GRID1: variants seen among roughly 807,000 people sequenced by gnomAD.
GRID1 encodes the protein glutamate ionotropic receptor delta type subunit 1, also known as glutamate receptor ionotropic, delta-1.
In GRID1, 28 loss-of-function variants were observed where a neutral mutation model predicts 98.0. That is an observed-to-expected ratio of 0.29 (90% CI 0.21 to 0.39). The LOEUF (loss-of-function observed/expected upper bound fraction) is 0.39, where lower values mean the gene tolerates loss of function less well. Ranked by LOEUF, GRID1 falls within the 10% of genes least tolerant of loss-of-function variation. GRID1 has a pLI of 1.00. For synonymous variants in GRID1, 553 were observed against 538.5 expected (o/e 1.03, Z -0.37); for missense variants, 1,111 against 1,340.5 (o/e 0.83, Z 2.67).
At chr10:85,859,984 G>A (rs771110546) in intron 6 of GRID1, among the ~76,000 whole-genome samples, 1 of 152,202 alleles carries the variant, frequency 6.6e-6, no homozygotes, top group Non-Finnish European at 1.5e-5. Context: ...CAGGGAAGAT[G>A]GCTGGATATC....
intron 4 of GRID1, among the ~76,000 whole-genome samples, chr10:86,042,092 C>T (rs374841455): frequency 6.6e-6 from 1 of 152,202 alleles, no homozygotes; most frequent in Non-Finnish European, 1.5e-5. Flanking sequence ...AGACAGCCCT[C>T]GCCATGCAAG....
At chr10:85,691,237 CT>C (rs1189011775) in intron 12 of GRID1, among the ~76,000 whole-genome samples, 1 of 152,176 alleles carries the variant, frequency 6.6e-6, no homozygotes, top group Non-Finnish European at 1.5e-5. Context: ...CCCAGTATTC[CT>C]TAAACACTGA....
At chr10:85,644,327 T>G (rs1843160027) in intron 13 of GRID1, 1 of 152,296 alleles carries the variant, frequency 6.6e-6, no homozygotes, top group East Asian at 1.9e-4. Flanking sequence ...CAACTCTGAC[T>G]TACCAACAAT....
At chr10:86,126,305 A>C (rs1221445025) in intron 4 of GRID1, among the ~76,000 whole-genome samples, 1 of 152,032 alleles carries the variant, frequency 6.6e-6, no homozygotes, top group African/African-American at 2.4e-5. Flanking sequence ...AATACAAAAA[A>C]TTAGCCAGGC....
At chr10:85,948,925 T>C (rs1429940864) in intron 4 of GRID1, among the ~76,000 whole-genome samples, 1 of 152,234 alleles carries the variant, frequency 6.6e-6, no homozygotes, top group Non-Finnish European at 1.5e-5. Context: ...TTGATGTTTT[T>C]ATTATTAAGT....
intron 4 of GRID1, 73 bp downstream of exon 4, chr10:86,138,746 G>T: frequency 1.6e-6 from 2 of 1,244,032 alleles, no homozygotes; most frequent in Non-Finnish European, 2.3e-6. Context: ...ACTGTGCCCT[G>T]CAGCCCACCT....
chr10:86,254,111 A>G (rs2132050910), intron 2 of GRID1, among the ~76,000 whole-genome samples: 1 of 152,014 alleles, frequency 6.6e-6, no homozygotes, highest in South Asian at 2.1e-4. Context: ...CTCCTACACC[A>G]CCTATGTGCA....
At chr10:85,675,755 G>A (rs1036812135) in intron 12 of GRID1, among the ~76,000 whole-genome samples, 2 of 152,212 alleles carry the variant, frequency 1.3e-5, no homozygotes, top group Admixed American at 1.3e-4. Flanking sequence ...GCAGCCTGGT[G>A]TGACATTAAC....
intron 8 of GRID1, among the ~76,000 whole-genome samples, chr10:85,828,749 T>C (rs1842842008): frequency 6.6e-6 from 1 of 151,942 alleles, no homozygotes; most frequent in Admixed American, 6.6e-5. Flanking sequence ...CCTCCCAAAA[T>C]TGAACCAGGA....
At chr10:85,816,762 G>C (rs1403879988) in intron 8 of GRID1, among the ~76,000 whole-genome samples, 2 of 152,146 alleles carry the variant, frequency 1.3e-5, no homozygotes, top group African/African-American at 2.4e-5. Context: ...TAGGTAAACT[G>C]TGTGTCAAAG....
chr10:85,958,592 T>A (rs957562104), intron 4 of GRID1, among the ~76,000 whole-genome samples: 1 of 152,176 alleles, frequency 6.6e-6, no homozygotes, highest in Non-Finnish European at 1.5e-5. Flanking sequence ...AATCAGTAAC[T>A]AAGTAAGGTA....
chr10:86,141,423 C>T (rs1254643041), intron 3 of GRID1, among the ~76,000 whole-genome samples: 1 of 152,246 alleles, frequency 6.6e-6, no homozygotes, highest in Admixed American at 6.5e-5. Context: ...CAACCAGAAA[C>T]ACCAGCACTG....
intron 2 of GRID1, among the ~76,000 whole-genome samples, chr10:86,316,399 C>T (rs1035790857): frequency 6.6e-6 from 1 of 152,254 alleles, no homozygotes; most frequent in Non-Finnish European, 1.5e-5. Context: ...CAGTCTAAGC[C>T]AGTGTTCTCC....
intron 8 of GRID1, among the ~76,000 whole-genome samples, chr10:85,777,320 A>G (rs1465768143): frequency 6.6e-6 from 1 of 152,152 alleles, no homozygotes; most frequent in East Asian, 1.9e-4. Flanking sequence ...AGCTTTGCCT[A>G]CCTCCAGCCT....
chr10:85,824,662 C>T (rs1842802900), intron 8 of GRID1, among the ~76,000 whole-genome samples: 1 of 152,056 alleles, frequency 6.6e-6, no homozygotes, highest in Admixed American at 6.6e-5. Context: ...ACATTGTACC[C>T]AATATATAGT....
At chr10:85,882,707 G>C (rs989890810) in intron 5 of GRID1, among the ~76,000 whole-genome samples, 3 of 152,120 alleles carry the variant, frequency 2.0e-5, no homozygotes, top group African/African-American at 7.2e-5. Flanking sequence ...CACCAACATG[G>C]CACATGTATA....
At chr10:86,030,988 C>T (rs1843178434) in intron 4 of GRID1, among the ~76,000 whole-genome samples, 2 of 152,114 alleles carry the variant, frequency 1.3e-5, no homozygotes, top group South Asian at 2.1e-4. Flanking sequence ...AAACATCATA[C>T]CTGATCAAAC....
intron 4 of GRID1, among the ~76,000 whole-genome samples, chr10:85,937,563 C>G (rs1359383858): frequency 1.3e-5 from 2 of 152,146 alleles, no homozygotes; most frequent in Non-Finnish European, 2.9e-5. Context: ...TTATCATAGC[C>G]CATTGCTCTT....
chr10:86,327,207 C>T (rs1224599282), intron 2 of GRID1, among the ~76,000 whole-genome samples: 1 of 152,166 alleles, frequency 6.6e-6, no homozygotes, highest in African/African-American at 2.4e-5. Flanking sequence ...TGTTGGACAT[C>T]CTTACATTTA....
Sources: gnomAD v4.1 joint callset for allele counts (sites outside exome capture counted in the v4.1 genomes callset) on GRCh38, gnomAD v4.1.1 for gene constraint, MANE v1.5 for transcripts, NCBI Gene and HGNC (gene_info 2026-07-23, HGNC 2026-07-21) for gene names.